Variants in CAST observed in about 807,000 individuals in gnomAD.
CAST encodes the protein calpastatin.
In CAST, 76 loss-of-function variants were observed where a neutral mutation model predicts 119.6. That is an observed-to-expected ratio of 0.64 (90% CI 0.53 to 0.77). CAST has a LOEUF of 0.77. Among genes scored for constraint, CAST ranks in the 30% least tolerant of loss-of-function variants. The pLI, the probability that CAST is intolerant of heterozygous loss-of-function variation, is 0.00. For missense variants in CAST, 953 were observed against 946.5 expected (o/e 1.01, Z -0.09); for synonymous variants, 319 against 331.6 (o/e 0.96, Z 0.41).
In CAST at chr5:96,542,309, A is replaced by AAAAAAAAAAG. The variant is rs1554066746; in HGVS notation, c.60+12438_60+12439insGAAAAAAAAA. Among the ~76,000 whole-genome samples the AAAAAAAAAAG allele has an allele frequency of 2.3e-3, 318 of 137,456 alleles. 4 individuals are homozygous for AAAAAAAAAAG. Among genetic ancestry groups the AAAAAAAAAAG allele is most frequent in the African/African-American group, 8.4e-3 (297 of 35,504 alleles). 90.2% of individuals were successfully genotyped at this position (137,456 alleles called of 152,430 possible). On this transcript the variant is annotated intron_variant, in intron 1 of 11. Transcript: ENST00000505143. The stretch of plus-strand genomic sequence containing the variant: ...CTGGGCGACAGCAAGACTTAGTCTC[A>AAAAAAAAAAG]AAAAAAAAAAAAAAGACAAAACTAT...
At chr5:96,412,800 AGCAAAAGCTCTGG>A in the CAST span, 2 of 270,698 alleles carry the variant, frequency 7.4e-6, no homozygotes, top group South Asian at 9.4e-5. Context: ...CTCTCTTCCC[AGCAAAAGCTCTGG>A]GCATTGAGTC....
chr5:96,619,426 C>T (rs1747542976), intron 1 of CAST, among the ~76,000 whole-genome samples: 1 of 152,164 alleles, frequency 6.6e-6, no homozygotes, highest in African/African-American at 2.4e-5. Flanking sequence ...AACCAATCAG[C>T]TGTCTGTAAA....
the CAST span, among the ~76,000 whole-genome samples, chr5:96,077,862 T>G: frequency 6.6e-6 from 1 of 152,178 alleles, no homozygotes; most frequent in South Asian, 2.1e-4. Flanking sequence ...AGCCTCAACA[T>G]AAGATGAACT....
intron 2 of CAST, among the ~76,000 whole-genome samples, chr5:96,693,462 C>T (rs994045918): frequency 2.0e-5 from 3 of 152,100 alleles, no homozygotes; most frequent in Non-Finnish European, 2.9e-5. Flanking sequence ...TTTGATGTAG[C>T]GAATGGAATC....
chr5:96,368,846 C>G, the CAST span, among the ~76,000 whole-genome samples: 10 of 152,114 alleles, frequency 6.6e-5, no homozygotes, highest in African/African-American at 2.4e-4. Context: ...TACCCACACC[C>G]TTAATTGGCT....
chr5:95,972,104 G>A, the CAST span, among the ~76,000 whole-genome samples: 571 of 151,396 alleles, frequency 3.8e-3, 2 homozygotes, highest in Non-Finnish European at 5.6e-3. Flanking sequence ...GGACTACAGG[G>A]CATGCCACCA....
chr5:96,583,884 G>A (rs1045376556), intron 1 of CAST, among the ~76,000 whole-genome samples: 1 of 152,204 alleles, frequency 6.6e-6, no homozygotes, highest in Non-Finnish European at 1.5e-5. Context: ...ACAGCAAGTG[G>A]TAGTGGTAGA....
chr5:96,529,545 A>G (rs750461881), upstream of CAST, among the ~76,000 whole-genome samples: 3 of 152,186 alleles, frequency 2.0e-5, no homozygotes, highest in Non-Finnish European at 4.4e-5. Context: ...GGCAAGTTTC[A>G]GATGATTATA....
At chr5:96,014,938 G>A in the CAST span, among the ~76,000 whole-genome samples, 2,783 of 152,200 alleles carry the variant, frequency 0.018, 80 homozygotes, top group African/African-American at 0.063. Context: ...TCTTTTCAGA[G>A]CTCTAACACC....
chr5:96,222,124 A>G, the CAST span, among the ~76,000 whole-genome samples: 2 of 152,192 alleles, frequency 1.3e-5, no homozygotes, highest in South Asian at 4.1e-4. Flanking sequence ...TGGATTAAAG[A>G]TTTAAATGTA....
the CAST span, chr5:95,962,126 G>A: frequency 2.8e-6 from 1 of 360,712 alleles, no homozygotes; most frequent in Non-Finnish European, 5.0e-6. Context: ...GATTGGCCAG[G>A]CTGGCTTGGG....
chr5:96,272,110 C>T, the CAST span, among the ~76,000 whole-genome samples: 1 of 152,086 alleles, frequency 6.6e-6, no homozygotes, highest in African/African-American at 2.4e-5. Context: ...AGGGGGATAA[C>T]GAATGCCAAC....
the CAST span, among the ~76,000 whole-genome samples, chr5:96,072,898 C>T: frequency 3.3e-5 from 5 of 152,222 alleles, no homozygotes; most frequent in Admixed American, 1.3e-4. Flanking sequence ...AATCCAAGCC[C>T]TGTGGCAAGA....
In CAST at chr5:96,607,134, A is replaced by G. The variant is rs1209289595; in HGVS notation, c.61-68405A>G. Among the ~76,000 whole-genome samples, 9 of 152,208 alleles carry G rather than the reference A, an allele frequency of 5.9e-5. 1 individual carries two copies. The highest frequency in any genetic ancestry group is 2.2e-4 in the African/African-American group (9 of 41,530). ...AAAACCCATCTCTACTAAAAATGCA[A>G]AAAATTAGCCGGGCGTGGTGGTGGG... is the stretch of plus-strand genomic sequence containing the variant. On this transcript the variant is annotated intron_variant, in intron 1 of 11. Coordinates refer to the CAST transcript ENST00000505143.
At chr5:96,503,906 C>CA in the CAST span, among the ~76,000 whole-genome samples, 19 of 151,850 alleles carry the variant, frequency 1.3e-4, no homozygotes, top group Middle Eastern at 6.8e-3. Context: ...CTGATTTTTG[C>CA]AAAAAAGAAG....
At chr5:96,349,178 G>C in the CAST span, among the ~76,000 whole-genome samples, 1 of 63,158 alleles carries the variant, frequency 1.6e-5, no homozygotes, top group South Asian at 5.1e-4. Context: ...AGTATAAACT[G>C]TTCCCTATCC....
chr5:96,237,922 G>A, the CAST span, among the ~76,000 whole-genome samples: 51 of 151,450 alleles, frequency 3.4e-4, 1 homozygote, highest in Non-Finnish European at 2.8e-4. Flanking sequence ...TGCTTCCTTT[G>A]GGTTTACTTT....
At chr5:96,142,939 A>C in the CAST span, among the ~76,000 whole-genome samples, 1 of 152,170 alleles carries the variant, frequency 6.6e-6, no homozygotes, top group African/African-American at 2.4e-5. Flanking sequence ...GCCCATTTCC[A>C]AGAGGCAGTA....
At chr5:96,561,786 G>GTTTTTTTTTTTTTT (rs1554067776) in intron 1 of CAST, among the ~76,000 whole-genome samples, 2 of 105,438 alleles carry the variant, frequency 1.9e-5, no homozygotes, top group Non-Finnish European at 3.7e-5. Context: ...TTATATATAT[G>GTTTTTTTTTTTTTT]TTTTTTTTTG....
Sources: allele counts gnomAD v4.1 joint callset (sites outside exome capture counted in the v4.1 genomes callset), GRCh38; gene constraint gnomAD v4.1.1; transcripts MANE v1.5; gene names NCBI Gene and HGNC (gene_info 2026-07-23, HGNC 2026-07-21).